Variants in SIL1 observed in about 807,000 individuals in gnomAD.
SIL1 encodes the protein nucleotide exchange factor SIL1.
In SIL1, 40 loss-of-function variants were observed where a neutral mutation model predicts 49.1. The ratio of observed to expected loss-of-function variants is 0.81; its 90% CI spans 0.63 to 1.06. The LOEUF (loss-of-function observed/expected upper bound fraction) is 1.06, where lower values mean the gene tolerates loss of function less well. Among genes scored for constraint, SIL1 ranks in the 50% least tolerant of loss-of-function variants. The pLI is 0.00. For missense variants in SIL1, 500 were observed against 572.6 expected (o/e 0.87, Z 1.29); for synonymous variants, 253 against 250.8 (o/e 1.01, Z -0.08).
chr5:139,191,849 G>A (rs918311024), intron 1 of SIL1, among the ~76,000 whole-genome samples: 43 of 152,030 alleles, frequency 2.8e-4, no homozygotes, highest in African/African-American at 6.5e-4. Context: ...GGCCGAGGCC[G>A]GCAGATCTCG....
At chr5:139,025,432 T>C (rs1423844013) in intron 6 of SIL1, among the ~76,000 whole-genome samples, 2 of 152,170 alleles carry the variant, frequency 1.3e-5, no homozygotes, top group South Asian at 2.1e-4. Context: ...TGGTACCTAC[T>C]CATAGGGCAG....
chr5:139,040,736 T>C (rs1481083025), intron 5 of SIL1, among the ~76,000 whole-genome samples: 1 of 152,074 alleles, frequency 6.6e-6, no homozygotes, highest in African/African-American at 2.4e-5. Flanking sequence ...TGACCTCAGA[T>C]GATCCACCCG....
At chr5:139,070,978 C>A (rs1769819051) in intron 3 of SIL1, among the ~76,000 whole-genome samples, 1 of 151,976 alleles carries the variant, frequency 6.6e-6, no homozygotes, top group Non-Finnish European at 1.5e-5. Context: ...AAAAGAGAAT[C>A]AATCAGACAT....
intron 7 of SIL1, among the ~76,000 whole-genome samples, chr5:138,988,490 C>T (rs1767688661): frequency 6.6e-6 from 1 of 152,200 alleles, no homozygotes; most frequent in African/African-American, 2.4e-5. Flanking sequence ...TTCGTTTAAA[C>T]AATAAATTTT....
intron 1 of SIL1, among the ~76,000 whole-genome samples, chr5:139,186,973 G>A (rs897084633): frequency 1.3e-5 from 2 of 152,158 alleles, no homozygotes; most frequent in Admixed American, 6.6e-5. Flanking sequence ...ATTTCAACAG[G>A]ATTGTTATCA....
At chr5:139,182,117 T>C (rs543949990) in intron 1 of SIL1, among the ~76,000 whole-genome samples, 1 of 152,292 alleles carries the variant, frequency 6.6e-6, no homozygotes, top group East Asian at 1.9e-4. Context: ...GGGACATGTG[T>C]GGCCAGGGCA....
chr5:139,118,143 C>A (rs959253958), intron 3 of SIL1, among the ~76,000 whole-genome samples: 1 of 152,206 alleles, frequency 6.6e-6, no homozygotes, highest in Non-Finnish European at 1.5e-5. Flanking sequence ...ACTCTGCTAA[C>A]CCCTTTTGCT....
At chr5:139,091,355 AAAT>A (rs1423946506) in intron 3 of SIL1, among the ~76,000 whole-genome samples, 1 of 152,158 alleles carries the variant, frequency 6.6e-6, no homozygotes, top group Non-Finnish European at 1.5e-5. Flanking sequence ...AACTTTTAAA[AAAT>A]AAGGAGAAAA....
At chr5:139,023,497 A>G (rs547739977) in intron 6 of SIL1, among the ~76,000 whole-genome samples, 1 of 152,356 alleles carries the variant, frequency 6.6e-6, no homozygotes, top group East Asian at 1.9e-4. Flanking sequence ...GGAGAAGGCA[A>G]ATGTACTGCC....
chr5:139,046,069 C>G (rs1046922514), intron 4 of SIL1, among the ~76,000 whole-genome samples: 3 of 152,240 alleles, frequency 2.0e-5, no homozygotes, highest in African/African-American at 7.2e-5. Flanking sequence ...TGGCTCATGC[C>G]TGCAATTCCG....
intron 1 of SIL1, among the ~76,000 whole-genome samples, chr5:139,145,960 G>A (rs922979542): frequency 2.0e-5 from 3 of 151,874 alleles, no homozygotes; most frequent in African/African-American, 4.8e-5. Context: ...TTGTGTGTGT[G>A]TATATATAAG....
At chr5:139,126,391 A>C (rs945426121) in intron 2 of SIL1, among the ~76,000 whole-genome samples, 1 of 152,194 alleles carries the variant, frequency 6.6e-6, no homozygotes, top group African/African-American at 2.4e-5. Flanking sequence ...TCCTTAAGTA[A>C]ATTCATCAGC....
At chr5:139,144,261 C>A (rs974059671) in intron 1 of SIL1, among the ~76,000 whole-genome samples, 3 of 152,026 alleles carry the variant, frequency 2.0e-5, no homozygotes, top group African/African-American at 7.3e-5. Flanking sequence ...GAACTCAAGG[C>A]TGCAGTGGGC....
intron 3 of SIL1, among the ~76,000 whole-genome samples, chr5:139,077,976 G>A (rs1351378089): frequency 6.6e-6 from 1 of 152,174 alleles, no homozygotes; most frequent in Admixed American, 6.5e-5. Context: ...CACAGAGCAA[G>A]AAGGCACCCA....
intron 1 of SIL1, among the ~76,000 whole-genome samples, chr5:139,168,622 CT>C (rs70982753): frequency 0.46 from 69,727 of 150,500 alleles, 16,821 homozygotes; most frequent in South Asian, 0.56. Context: ...AGGGCCAATG[CT>C]TTTTTTTTTC....
At chr5:139,021,096 A>T (rs1312740363) in intron 7 of SIL1, 75 bp downstream of exon 7, 2 of 1,600,152 alleles carry the variant, frequency 1.2e-6, no homozygotes, top group Admixed American at 3.3e-5. Flanking sequence ...CAACAGGCAC[A>T]TTCAAGTGTA....
intron 1 of SIL1, among the ~76,000 whole-genome samples, chr5:139,171,140 G>A (rs577380284): frequency 9.1e-4 from 138 of 152,060 alleles, no homozygotes; most frequent in African/African-American, 1.2e-3. Context: ...CCTCTGCCCC[G>A]CCGCCCCTAC....
At chr5:139,106,091 AGAG>A (rs1770704603) in intron 3 of SIL1, among the ~76,000 whole-genome samples, 1 of 152,222 alleles carries the variant, frequency 6.6e-6, no homozygotes, top group Non-Finnish European at 1.5e-5. Flanking sequence ...AAGCCCCAGG[AGAG>A]GAGAAGCCAG....
chr5:139,167,972 C>T (rs1388038361), intron 1 of SIL1, among the ~76,000 whole-genome samples: 2 of 152,172 alleles, frequency 1.3e-5, no homozygotes, highest in African/African-American at 2.4e-5. Flanking sequence ...ATGTGACACC[C>T]GTGTGCAGCT....
Sources: gnomAD v4.1 joint callset for allele counts (sites outside exome capture counted in the v4.1 genomes callset) on GRCh38, gnomAD v4.1.1 for gene constraint, MANE v1.5 for transcripts, NCBI Gene and HGNC (gene_info 2026-07-23, HGNC 2026-07-21) for gene names.